Variants in NTRK3 observed in about 807,000 individuals in gnomAD.
NTRK3 encodes the protein neurotrophic receptor tyrosine kinase 3.
In NTRK3, 24 loss-of-function variants were observed where a neutral mutation model predicts 91.7. That is an observed-to-expected ratio of 0.26 (90% CI 0.19 to 0.37). NTRK3 has a LOEUF of 0.37. Among genes scored for constraint, NTRK3 ranks in the 10% least tolerant of loss-of-function variants. The probability of loss-of-function intolerance (pLI) is 1.00; values close to 1 mark genes in which losing one functional copy is unlikely to be tolerated. For missense variants in NTRK3, 880 were observed against 1,068.9 expected (o/e 0.82, Z 2.46); for synonymous variants, 483 against 404.0 (o/e 1.20, Z -2.34).
At chr15:88,168,370 TGGGAA>T (rs1411157928) in intron 5 of NTRK3, among the ~76,000 whole-genome samples, 1 of 149,800 alleles carries the variant, frequency 6.7e-6, no homozygotes, top group Admixed American at 6.6e-5. Context: ...TGGAGATGGG[TGGGAA>T]GGGAAGGGAG....
chr15:87,937,603 A>C (rs2069417285), intron 15 of NTRK3, among the ~76,000 whole-genome samples: 1 of 152,156 alleles, frequency 6.6e-6, no homozygotes, highest in Admixed American at 6.5e-5. Context: ...GGCAGGAAGA[A>C]ATATAATGCT....
At chr15:87,972,704 G>A (rs2073358378) in intron 14 of NTRK3, among the ~76,000 whole-genome samples, 1 of 152,090 alleles carries the variant, frequency 6.6e-6, no homozygotes, top group Non-Finnish European at 1.5e-5. Flanking sequence ...AGAAAGCCAG[G>A]TGCCCATCTG....
At chr15:87,948,876 C>T (rs1282082288) in intron 14 of NTRK3, among the ~76,000 whole-genome samples, 5 of 152,140 alleles carry the variant, frequency 3.3e-5, no homozygotes, top group East Asian at 1.9e-4. Context: ...GTCCATGCCT[C>T]GTCCCTAGGC....
chr15:87,997,184 G>A (rs1185816565), intron 14 of NTRK3, among the ~76,000 whole-genome samples: 3 of 152,210 alleles, frequency 2.0e-5, no homozygotes, highest in African/African-American at 7.2e-5. Flanking sequence ...TTCCCTTGGA[G>A]ACCCAAGGGA....
At chr15:88,131,236 T>C (rs1335844391) in intron 10 of NTRK3, among the ~76,000 whole-genome samples, 1 of 152,210 alleles carries the variant, frequency 6.6e-6, no homozygotes, top group African/African-American at 2.4e-5. Flanking sequence ...CACCATGCCC[T>C]GAAAAGTAAA....
intron 4 of NTRK3, 38 bp downstream of exon 4, chr15:88,184,187 C>T: frequency 6.2e-7 from 1 of 1,606,916 alleles, no homozygotes; most frequent in Non-Finnish European, 8.5e-7. Context: ...TCCACCCCTT[C>T]CACAGGGAAA....
rs142295429 is a variant in NTRK3 at position 88,058,565 on chromosome 15, A to C, written c.1397-25520T>G. Among the ~76,000 whole-genome samples, 171 of 152,164 alleles carry C rather than the reference A, an allele frequency of 1.1e-3. 2 individuals carry two copies. In the East Asian group the frequency reaches 0.029, roughly 26 times the overall value. The stretch of plus-strand genomic sequence containing the variant: ...TGGCATTTTTTAACTTCTTTTCCCA[A>C]AATTCTGGCCCAAAGCACACCTAGC... On this transcript the variant is annotated intron_variant, in intron 13 of 18. Coordinates refer to ENST00000394480, the Ensembl canonical transcript of NTRK3.
At chr15:88,163,657 T>C (rs12594538) in intron 5 of NTRK3, among the ~76,000 whole-genome samples, 42,960 of 152,102 alleles carry the variant, frequency 0.28, 6,462 homozygotes, top group African/African-American at 0.39. Context: ...AGCCCAAGCA[T>C]AAATGGAGGT....
At position 88,197,350 on chromosome 15, in the gene NTRK3, G is replaced by C. The variant is rs75982693; in HGVS notation, c.249-13051C>G. 1.4e-3 allele frequency among the ~76,000 whole-genome samples: 214 copies of C among 152,240 alleles called. 7 individuals carry two copies. The East Asian group carries it at 0.037, about 27-fold the overall frequency. Reference sequence around the variant, plus strand: ...AGCCTCATGCCCAGAAGGATAGGAGGACCTCTTAGCAACCCTTTCAGCTTT... The same window carrying C: ...AGCCTCATGCCCAGAAGGATAGGAGCACCTCTTAGCAACCCTTTCAGCTTT... On this transcript the variant is annotated intron_variant, in intron 3 of 18. Coordinates refer to ENST00000394480, the Ensembl canonical transcript of NTRK3.
chr15:87,919,489 T>C (rs934233017), intron 17 of NTRK3, among the ~76,000 whole-genome samples: 5 of 152,246 alleles, frequency 3.3e-5, no homozygotes, highest in African/African-American at 9.6e-5. Context: ...GATTCTTTTC[T>C]GTATTCAGTT....
chr15:88,183,360 C>T, intron 5 of NTRK3, 58 bp downstream of exon 5: 2 of 1,578,258 alleles, frequency 1.3e-6, no homozygotes, highest in Non-Finnish European at 1.7e-6. Flanking sequence ...TCTCCGGTTT[C>T]ACTGCCCCAA....
At chr15:88,223,831 G>C (rs536713891) in intron 3 of NTRK3, among the ~76,000 whole-genome samples, 22 of 152,302 alleles carry the variant, frequency 1.4e-4, no homozygotes, top group African/African-American at 5.3e-4. Flanking sequence ...GTTCGGCCCA[G>C]GGTAGAGGCT....
intron 3 of NTRK3, among the ~76,000 whole-genome samples, chr15:88,214,703 T>C (rs541565024): frequency 6.7e-6 from 1 of 148,418 alleles, no homozygotes; most frequent in South Asian, 2.1e-4. Context: ...AAAAAAAATG[T>C]GCCCCCAAAT....
chr15:87,988,415 G>C (rs1439646919), intron 14 of NTRK3, among the ~76,000 whole-genome samples: 1 of 152,174 alleles, frequency 6.6e-6, no homozygotes, highest in Admixed American at 6.5e-5. Context: ...TCAGAGTATA[G>C]TATTGAACTT....
intron 5 of NTRK3, among the ~76,000 whole-genome samples, chr15:88,158,034 C>T (rs1197232009): frequency 6.6e-6 from 1 of 152,194 alleles, no homozygotes; most frequent in African/African-American, 2.4e-5. Context: ...CCGGTCCTAC[C>T]ACTGCTGCCT....
chr15:88,132,331 G>A (rs759990965), intron 10 of NTRK3, among the ~76,000 whole-genome samples: 6 of 152,188 alleles, frequency 3.9e-5, no homozygotes, highest in Non-Finnish European at 8.8e-5. Context: ...CACTTGGCAG[G>A]CATAACTTCC....
chr15:88,212,700 T>TCACACACACACACACACACA (rs60620542), intron 3 of NTRK3, among the ~76,000 whole-genome samples: 4 of 146,226 alleles, frequency 2.7e-5, no homozygotes, highest in Admixed American at 2.0e-4. Context: ...GGCTGCTGCA[T>TCACACACACACACACACACA]CACACACACA....
chr15:87,875,753 G>C (rs1190467753), exon 19 of NTRK3: 1 of 233,010 alleles, frequency 4.3e-6, no homozygotes, highest in Non-Finnish European at 8.5e-6. Flanking sequence ...CACTGCTGCA[G>C]CCTCTCACTA....
intron 14 of NTRK3, among the ~76,000 whole-genome samples, chr15:88,025,793 C>A (rs1393140156): frequency 6.6e-6 from 1 of 152,170 alleles, no homozygotes; most frequent in South Asian, 2.1e-4. Flanking sequence ...TAACACAATG[C>A]TTTTCACTAA....
Sources: allele counts gnomAD v4.1 joint callset (sites outside exome capture counted in the v4.1 genomes callset), GRCh38; gene constraint gnomAD v4.1.1; transcripts MANE v1.5; gene names NCBI Gene and HGNC (gene_info 2026-07-23, HGNC 2026-07-21).